FNIP1: variants seen among roughly 807,000 people sequenced by gnomAD.
FNIP1 encodes the protein folliculin interacting protein 1.
In FNIP1, 40 loss-of-function variants were observed where a neutral mutation model predicts 124.5. That is an observed-to-expected ratio of 0.32 (90% CI 0.25 to 0.42). The LOEUF (loss-of-function observed/expected upper bound fraction) is 0.42, where lower values mean the gene tolerates loss of function less well. FNIP1 is among the 10% of genes least tolerant of loss of function. FNIP1 has a pLI of 1.00. For missense variants in FNIP1, 1,176 were observed against 1,403.7 expected, an observed-to-expected ratio of 0.84 and a Z score of 2.59; for synonymous variants, 472 against 470.6, an observed-to-expected ratio of 1.00 and a Z score of -0.04.
chr5:131,694,763 T>A (rs1158550043), intron 11 of FNIP1, among the ~76,000 whole-genome samples: 1 of 152,166 alleles, frequency 6.6e-6, no homozygotes, highest in African/African-American at 2.4e-5. Context: ...AATAATGTAT[T>A]AACATTAGTT....
chr5:131,738,752 C>T (rs1770405264), intron 2 of FNIP1, among the ~76,000 whole-genome samples: 1 of 151,914 alleles, frequency 6.6e-6, no homozygotes, highest in African/African-American at 2.4e-5. Context: ...GTGATCCACC[C>T]TCCTCAGCCT....
intron 15 of FNIP1, among the ~76,000 whole-genome samples, chr5:131,664,130 T>C (rs537991746): frequency 2.0e-5 from 3 of 152,320 alleles, no homozygotes; most frequent in Admixed American, 6.5e-5. Context: ...TTTTTCTGTA[T>C]GTTGAACACT....
At chr5:131,696,044 A>G (rs758763249) in intron 11 of FNIP1, among the ~76,000 whole-genome samples, 28 of 152,226 alleles carry the variant, frequency 1.8e-4, no homozygotes, top group Admixed American at 7.2e-4. Context: ...ATACCTAAAC[A>G]TTTATATTAA....
rs543936413 is a variant in FNIP1, at chr5:131,667,911, T to A, written c.3108+2552A>T. ...CCTCTCTATTTCTTTATTAACTTTT[T>A]AAATTGAGAGGTGGCCAGATTTTGT... is the stretch of plus-strand genomic sequence containing the variant. On this transcript the variant is annotated intron_variant, in intron 15 of 17. Transcript: ENST00000510461. Among the ~76,000 whole-genome samples the A allele has an allele frequency of 5.3e-5, 8 of 152,330 alleles. No homozygotes were observed. In the South Asian group the frequency reaches 1.5e-3, roughly 28 times the overall value.
Position 131,641,812 on chromosome 5 carries a change from C to T in FNIP1, c.*2873G>A, listed in dbSNP as rs143048434. The T allele has an allele frequency of 1.3e-5, 2 of 152,784 alleles. No homozygotes were observed. The highest frequency in any genetic ancestry group is 2.9e-5 in the Non-Finnish European group (2 of 68,000). 9.5% of individuals were successfully genotyped at this position (152,784 alleles called of 1,614,324 possible). On this transcript the variant is annotated 3_prime_UTR_variant, in exon 18 of 18. Coordinates refer to ENST00000510461, the MANE Select transcript of FNIP1 (RefSeq NM_133372.3). ...TGAGAAATGTATACAGAACAAGAAA[C>T]AGCTATGTACATATCCAACATCTAA...
At chr5:131,650,857 G>T (rs1767018053) in intron 16 of FNIP1, among the ~76,000 whole-genome samples, 1 of 152,138 alleles carries the variant, frequency 6.6e-6, no homozygotes, top group Non-Finnish European at 1.5e-5. Flanking sequence ...TTGGAAATGG[G>T]ATCTTTAGAA....
intron 2 of FNIP1, among the ~76,000 whole-genome samples, chr5:131,741,869 CCTA>C (rs1275383440): frequency 6.6e-6 from 1 of 152,098 alleles, no homozygotes; most frequent in Non-Finnish European, 1.5e-5. Flanking sequence ...ATCTTCTACT[CCTA>C]CTTGGCAATT....
intron 1 of FNIP1, among the ~76,000 whole-genome samples, chr5:131,787,798 C>A (rs1772266280): frequency 6.6e-6 from 1 of 152,092 alleles, no homozygotes; most frequent in African/African-American, 2.4e-5. Context: ...GAATTATGAT[C>A]TAGGAAAATC....
chr5:131,768,602 G>C (rs913677429), intron 1 of FNIP1, among the ~76,000 whole-genome samples: 4 of 152,066 alleles, frequency 2.6e-5, no homozygotes, highest in Non-Finnish European at 1.5e-5. Flanking sequence ...CTGAGGTCAG[G>C]AGTTCAAGAC....
At chr5:131,670,767 T>C in intron 14 of FNIP1, 136 bp from the exon 15 acceptor site, 1 of 553,128 alleles carries the variant, frequency 1.8e-6, no homozygotes, top group Non-Finnish European at 3.0e-6. Context: ...ATCATCCTTA[T>C]ATAATGGTAA....
intron 3 of FNIP1, among the ~76,000 whole-genome samples, chr5:131,723,693 G>T (rs1769750712): frequency 6.6e-6 from 1 of 152,048 alleles, no homozygotes; most frequent in Non-Finnish European, 1.5e-5. Context: ...CCACTTACCT[G>T]AAATTATATA....
chr5:131,725,610 G>T (rs1769833662), intron 3 of FNIP1, among the ~76,000 whole-genome samples: 1 of 152,194 alleles, frequency 6.6e-6, no homozygotes, highest in South Asian at 2.1e-4. Context: ...AGACAATGGG[G>T]TTTTCTAAAT....
chr5:131,673,033 G>A, intron 13 of FNIP1, 109 bp from the exon 14 acceptor site: 2 of 785,578 alleles, frequency 2.5e-6, no homozygotes, highest in Non-Finnish European at 3.8e-6. Context: ...TAATAGTTTA[G>A]GTTTTACTCG....
intron 15 of FNIP1, among the ~76,000 whole-genome samples, chr5:131,666,510 C>CT (rs1428437849): frequency 6.6e-6 from 1 of 152,110 alleles, no homozygotes; most frequent in African/African-American, 2.4e-5. Context: ...TTGTATTACT[C>CT]TTTGTTCATC....
chr5:131,650,515 T>A (rs147274576), intron 16 of FNIP1, among the ~76,000 whole-genome samples: 1 of 152,384 alleles, frequency 6.6e-6, no homozygotes, highest in Non-Finnish European at 1.5e-5. Flanking sequence ...ACCAGTTTTC[T>A]GTGGGATCTT....
intron 1 of FNIP1, among the ~76,000 whole-genome samples, chr5:131,781,952 A>T (rs1772010324): frequency 6.6e-6 from 1 of 152,196 alleles, no homozygotes; most frequent in Non-Finnish European, 1.5e-5. Flanking sequence ...TGAGGCCAGG[A>T]GTTCAAGCCC....
intron 15 of FNIP1, among the ~76,000 whole-genome samples, chr5:131,654,437 G>A (rs1248366332): frequency 6.6e-6 from 1 of 152,128 alleles, no homozygotes; most frequent in Non-Finnish European, 1.5e-5. Flanking sequence ...GTTTACTCCT[G>A]GATAAGCCCA....
At chr5:131,697,825 C>T (rs1317299774) in intron 11 of FNIP1, among the ~76,000 whole-genome samples, 1 of 151,426 alleles carries the variant, frequency 6.6e-6, no homozygotes, top group Non-Finnish European at 1.5e-5. Flanking sequence ...AAAAATTAGC[C>T]AAGCATGGTG....
intron 16 of FNIP1, among the ~76,000 whole-genome samples, chr5:131,649,632 CAA>C (rs1379805946): frequency 1.3e-5 from 2 of 152,052 alleles, no homozygotes; most frequent in African/African-American, 4.8e-5. Flanking sequence ...AGCTAATAAA[CAA>C]AAGTTTTTAA....
Sources: allele counts gnomAD v4.1 joint callset (sites outside exome capture counted in the v4.1 genomes callset), GRCh38; gene constraint gnomAD v4.1.1; transcripts MANE v1.5; gene names NCBI Gene and HGNC (gene_info 2026-07-23, HGNC 2026-07-21).